The following AKAP19 variants were observed in gnomAD, a reference collection of about 807,000 sequenced individuals.
AKAP19 encodes the protein small A-kinase anchoring protein.
chr2:190,024,063 G>A, the AKAP19 span, among the ~76,000 whole-genome samples: 60 of 151,834 alleles, frequency 4.0e-4, no homozygotes, highest in African/African-American at 1.3e-3. Context: ...GGCAGTAGAT[G>A]CAATAGTAAA....
chr2:190,188,453 A>G, the AKAP19 span, among the ~76,000 whole-genome samples: 2 of 152,374 alleles, frequency 1.3e-5, no homozygotes, highest in East Asian at 3.9e-4. Context: ...ACTGATGACC[A>G]TAGTCACTTC....
chr2:190,057,303 A>T, the AKAP19 span: 1 of 1,613,430 alleles, frequency 6.2e-7, no homozygotes, highest in Non-Finnish European at 8.5e-7. Context: ...GAATTTTCCC[A>T]TATATTATTT....
the AKAP19 span, among the ~76,000 whole-genome samples, chr2:190,123,242 T>G: frequency 6.6e-6 from 1 of 152,246 alleles, no homozygotes; most frequent in African/African-American, 2.4e-5. Context: ...AAGCATATAT[T>G]TAAGAATTTG....
chr2:189,912,448 G>A, the AKAP19 span, among the ~76,000 whole-genome samples: 6 of 152,240 alleles, frequency 3.9e-5, no homozygotes, highest in East Asian at 1.2e-3. Context: ...GGCTGAGGCT[G>A]GAGAATTGCT....
At chr2:189,928,741 T>C in the AKAP19 span, among the ~76,000 whole-genome samples, 10 of 152,170 alleles carry the variant, frequency 6.6e-5, no homozygotes. Context: ...TTCCTCTATA[T>C]TGCAATTATG....
chr2:189,913,947 AGACTATGCTTT>A, the AKAP19 span, among the ~76,000 whole-genome samples: 1 of 152,072 alleles, frequency 6.6e-6, no homozygotes, highest in Non-Finnish European at 1.5e-5. Context: ...AGCTATGCTT[AGACTATGCTTT>A]AGAATATTCC....
chr2:190,070,811 A>G, the AKAP19 span, among the ~76,000 whole-genome samples: 1 of 152,212 alleles, frequency 6.6e-6, no homozygotes, highest in Non-Finnish European at 1.5e-5. Context: ...ATTCAAACTC[A>G]GAGGAGAAAT....
the AKAP19 span, among the ~76,000 whole-genome samples, chr2:190,008,772 C>CACACA: frequency 1.8e-3 from 60 of 34,234 alleles, no homozygotes; most frequent in Non-Finnish European, 2.9e-3. Context: ...ACACACACAC[C>CACACA]CACCTGGTCT....
the AKAP19 span, among the ~76,000 whole-genome samples, chr2:190,074,712 G>C: frequency 6.6e-6 from 1 of 151,758 alleles, no homozygotes; most frequent in East Asian, 1.9e-4. Context: ...GAAAACTACA[G>C]AAGAGATAAA....
the AKAP19 span, chr2:189,930,873 T>C: frequency 1.4e-6 from 1 of 730,100 alleles, no homozygotes; most frequent in African/African-American, 1.8e-5. Context: ...GATGGTAGAC[T>C]GGAGCTGGAA....
chr2:190,151,737 C>T, the AKAP19 span, among the ~76,000 whole-genome samples: 6 of 152,074 alleles, frequency 3.9e-5, no homozygotes, highest in Non-Finnish European at 8.8e-5. Context: ...CATAGTGGCT[C>T]ACGCCTGTAA....
chr2:189,930,873 T>G, the AKAP19 span: 1 of 730,100 alleles, frequency 1.4e-6, no homozygotes, highest in South Asian at 1.5e-5. Flanking sequence ...GATGGTAGAC[T>G]GGAGCTGGAA....
the AKAP19 span, among the ~76,000 whole-genome samples, chr2:189,934,313 TA>T: frequency 1.3e-5 from 2 of 152,084 alleles, no homozygotes; most frequent in East Asian, 3.8e-4. Flanking sequence ...ACGTCATTTG[TA>T]AAAACTGCCT....
the AKAP19 span, among the ~76,000 whole-genome samples, chr2:190,192,899 T>G: frequency 4.3e-3 from 662 of 152,250 alleles, 3 homozygotes; most frequent in East Asian, 5.4e-3. Context: ...AAATTTTTTT[T>G]GGGGGGAGGC....
the AKAP19 span, chr2:190,060,187 C>CATCAAT: frequency 6.2e-7 from 1 of 1,613,100 alleles, no homozygotes; most frequent in South Asian, 1.1e-5. Context: ...ACTGTCTTCA[C>CATCAAT]ATCAATGCTC....
chr2:190,076,210 C>T, the AKAP19 span, among the ~76,000 whole-genome samples: 2 of 151,742 alleles, frequency 1.3e-5, no homozygotes, highest in African/African-American at 4.8e-5. Flanking sequence ...AACACTTTGG[C>T]ATTTTGGGCT....
the AKAP19 span, among the ~76,000 whole-genome samples, chr2:190,124,868 A>G: frequency 6.6e-6 from 1 of 152,088 alleles, no homozygotes; most frequent in Non-Finnish European, 1.5e-5. Context: ...TCTATTTTTT[A>G]AATTTTTTAT....
the AKAP19 span, among the ~76,000 whole-genome samples, chr2:189,957,037 A>G: frequency 1.3e-5 from 2 of 152,266 alleles, no homozygotes; most frequent in East Asian, 3.9e-4. Flanking sequence ...TTAACTGGGT[A>G]TGGTGGCCTG....
At chr2:189,943,815 G>A in the AKAP19 span, among the ~76,000 whole-genome samples, 1 of 152,238 alleles carries the variant, frequency 6.6e-6, no homozygotes, top group South Asian at 2.1e-4. Context: ...GGAGCTTTAA[G>A]ATTTAATGAC....
Sources: gnomAD v4.1 joint callset for allele counts (sites outside exome capture counted in the v4.1 genomes callset) on GRCh38, gnomAD v4.1.1 for gene constraint, MANE v1.5 for transcripts, NCBI Gene and HGNC (gene_info 2026-07-23, HGNC 2026-07-21) for gene names.